The following EXOSC7 variants were observed in gnomAD, a reference collection of about 807,000 sequenced individuals.
The protein encoded by EXOSC7 is exosome component 7.
A neutral mutation model predicts 34.3 loss-of-function variants in EXOSC7; 25 were observed. The observed-to-expected ratio is 0.73, with a 90% CI of 0.53 to 1.02. The LOEUF is 1.02. Ranked by LOEUF, EXOSC7 falls within the 50% of genes least tolerant of loss-of-function variation. The pLI is 0.00. For missense variants in EXOSC7, 370 were observed against 368.5 expected (o/e 1.00, Z -0.03); for synonymous variants, 130 against 143.0 (o/e 0.91, Z 0.65).
At chr3:44,992,067 G>T (rs1464715525) in intron 3 of EXOSC7, among the ~76,000 whole-genome samples, 1 of 152,144 alleles carries the variant, frequency 6.6e-6, no homozygotes, top group East Asian at 1.9e-4. Flanking sequence ...TATTTTAATT[G>T]CATAAACAAG....
intron 6 of EXOSC7, among the ~76,000 whole-genome samples, chr3:45,005,653 A>C (rs1238271710): frequency 6.6e-6 from 1 of 152,226 alleles, no homozygotes; most frequent in Non-Finnish European, 1.5e-5. Context: ...TGTTTGTAGT[A>C]ATAGTAGCCA....
chr3:44,993,141 A>G (rs1020989895), intron 3 of EXOSC7, among the ~76,000 whole-genome samples: 1 of 152,144 alleles, frequency 6.6e-6, no homozygotes, highest in South Asian at 2.1e-4. Context: ...TTTTGAGGCT[A>G]ATTGTAATCA....
Position 44,976,274 on chromosome 3 carries a change from C to T in EXOSC7, c.-4C>T, listed in dbSNP as rs1434792081. On this transcript the variant is annotated 5_prime_UTR_variant, in exon 1 of 8. Transcript: ENST00000265564. Reference sequence around the variant, plus strand: ...ACGTGCGGCTCGTGGGGCAGCTCGGCAGCATGGCGTCCGTGACGCTGAGCG... The same window carrying T: ...ACGTGCGGCTCGTGGGGCAGCTCGGTAGCATGGCGTCCGTGACGCTGAGCG... 3.9e-6 allele frequency: 6 copies of T among 1,557,970 alleles called. No homozygotes were observed. Among genetic ancestry groups the T allele is most frequent in the Non-Finnish European group, 5.2e-6 (6 of 1,158,526 alleles).
chr3:44,998,970 T>C (rs2125969517), intron 4 of EXOSC7, among the ~76,000 whole-genome samples: 1 of 152,280 alleles, frequency 6.6e-6, no homozygotes, highest in South Asian at 2.1e-4. Flanking sequence ...GAAGTTTATG[T>C]CCCCTCCCCT....
intron 4 of EXOSC7, among the ~76,000 whole-genome samples, chr3:45,000,969 G>A (rs1193899893): frequency 6.6e-6 from 1 of 152,132 alleles, no homozygotes; most frequent in Non-Finnish European, 1.5e-5. Context: ...GTGTGCATGG[G>A]CCACGTAAGC....
chr3:44,980,214 C>T (rs1030208602), intron 1 of EXOSC7, among the ~76,000 whole-genome samples: 1 of 152,000 alleles, frequency 6.6e-6, no homozygotes, highest in Admixed American at 6.6e-5. Context: ...CAGAAGCCAG[C>T]AAAGGGAGTC....
At position 44,982,610 on chromosome 3, in the gene EXOSC7, T is replaced by C. The variant is rs574679601; in HGVS notation, c.57+6276T>C. Among the ~76,000 whole-genome samples, 71 of 152,320 alleles carry C rather than the reference T, an allele frequency of 4.7e-4. 1 individual carries two copies. The highest frequency in any genetic ancestry group is 1.3e-3 in the African/African-American group (53 of 41,572). On this transcript the variant is annotated intron_variant, in intron 1 of 7. Coordinates refer to ENST00000265564, the MANE Select transcript of EXOSC7 (RefSeq NM_015004.4). ...TCTTGCTTTCATCATAAGCATTGTT[T>C]AGGGGTATAGCATGGAAGAGGGAGA...
intron 3 of EXOSC7, among the ~76,000 whole-genome samples, chr3:44,990,548 C>A (rs919836399): frequency 3.3e-5 from 5 of 152,056 alleles, no homozygotes; most frequent in African/African-American, 1.2e-4. Context: ...GTATCAAGAT[C>A]CCCAAGACCA....
Position 45,005,312 on chromosome 3 carries a change from G to T in EXOSC7, c.513G>T (p.Leu171Phe). Reference sequence around the variant, plus strand: ...CCAGGATACCAAGGGTTCGAGTTTTGGAGGATGAAGAGGGGTCGAAGGACA... The same window carrying T: ...CCAGGATACCAAGGGTTCGAGTTTTTGAGGATGAAGAGGGGTCGAAGGACA... ...FNTRIPRVRV[L>F]EDEEGSKDIE... Residue 171 changes from leucine (L) to phenylalanine (F), a missense_variant, in exon 6 of 8, where the codon TTG becomes TTT. Physicochemically the swap from Leu to Phe is conservative, Grantham distance 22. This residue lies in a region of EXOSC7 where 255 missense variants were observed against 246.4 expected (regional missense o/e 1.03). Coordinates refer to ENST00000265564, the MANE Select transcript of EXOSC7 (RefSeq NM_015004.4). The T allele has an allele frequency of 6.2e-7, 1 of 1,614,150 alleles. No individual in the cohort carries two copies. The highest frequency in any genetic ancestry group is 8.5e-7 in the Non-Finnish European group (1 of 1,180,000).
At chr3:44,996,182 A>G (rs573381273) in intron 3 of EXOSC7, among the ~76,000 whole-genome samples, 19 of 152,350 alleles carry the variant, frequency 1.2e-4, no homozygotes, top group African/African-American at 4.1e-4. Context: ...GTGATTTTAT[A>G]GAGTCCATGC....
At chr3:44,985,368 A>G (rs1230137822) in intron 1 of EXOSC7, among the ~76,000 whole-genome samples, 1 of 152,232 alleles carries the variant, frequency 6.6e-6, no homozygotes. Flanking sequence ...TTCAAGAATG[A>G]AGCTGCAGAC....
At chr3:45,003,350 C>A (rs62243386) in intron 5 of EXOSC7, among the ~76,000 whole-genome samples, 11 of 16,980 alleles carry the variant, frequency 6.5e-4, no homozygotes, top group Admixed American at 2.7e-3. Flanking sequence ...TGCGTGCGTG[C>A]GTGTGTGTGT....
chr3:44,994,528 C>G (rs927516034), intron 3 of EXOSC7, among the ~76,000 whole-genome samples: 11 of 152,142 alleles, frequency 7.2e-5, no homozygotes, highest in African/African-American at 2.7e-4. Flanking sequence ...GAGATGGTCT[C>G]TAAGGCCTTT....
chr3:44,997,190 G>T lies in EXOSC7; in HGVS notation c.358G>T (p.Asp120Tyr). ...GATATTTAACAATAAAAGCAGTGTC[G>T]ACTTAAAGACCCTCTGCATTAGTCC... Reference protein sequence around the residue: ...YRIFNNKSSVDLKTLCISPRE... With the variant: ...YRIFNNKSSVYLKTLCISPRE... Residue 120 changes from aspartate (D) to tyrosine (Y), a missense_variant, in exon 4 of 8, where the codon GAC becomes TAC. Asp to Tyr is a radical substitution (Grantham distance 160). Transcript: ENST00000265564. 4 of 1,613,812 alleles carry T rather than the reference G, an allele frequency of 2.5e-6. No individual in the cohort carries two copies. Among genetic ancestry groups the T allele is most frequent in the Non-Finnish European group, 3.4e-6 (4 of 1,179,970 alleles).
At chr3:44,976,548 A>G (rs936338507) in intron 1 of EXOSC7, among the ~76,000 whole-genome samples, 4 of 152,194 alleles carry the variant, frequency 2.6e-5, no homozygotes, top group East Asian at 1.9e-4. Flanking sequence ...TTGCGGGTCT[A>G]TAAGATTCCG....
rs149128553 is a variant in EXOSC7 at position 45,001,314 on chromosome 3, A to T, written c.421-224A>T. ...AAAAATTAGCTGGGGGTGGTGGCGC[A>T]CACGTGTAATCCCAGCTATTCGGGA... On this transcript the variant is annotated intron_variant, in intron 4 of 7. Coordinates refer to ENST00000265564, the MANE Select transcript of EXOSC7 (RefSeq NM_015004.4). Among the ~76,000 whole-genome samples the T allele has an allele frequency of 5.2e-4, 79 of 152,068 alleles. 5 individuals carry two copies. The East Asian group carries it at 0.014, about 28-fold the overall frequency.
chr3:44,983,036 A>G (rs1255872278), intron 1 of EXOSC7, among the ~76,000 whole-genome samples: 2 of 152,320 alleles, frequency 1.3e-5, no homozygotes, highest in East Asian at 3.9e-4. Context: ...AGACAAGTCA[A>G]AGCAAGTTAA....
chr3:44,999,718 A>G (rs1211741462), intron 4 of EXOSC7, among the ~76,000 whole-genome samples: 2 of 152,210 alleles, frequency 1.3e-5, no homozygotes, highest in Admixed American at 6.5e-5. Context: ...CATCTTCAGA[A>G]AAGTTTTTAA....
chr3:44,986,076 C>A (rs1308215100), intron 1 of EXOSC7, among the ~76,000 whole-genome samples: 1 of 152,182 alleles, frequency 6.6e-6, no homozygotes, highest in Non-Finnish European at 1.5e-5. Flanking sequence ...TGCACTGGGG[C>A]CGCAGGTGGA....
Sources: gnomAD v4.1 joint callset for allele counts (sites outside exome capture counted in the v4.1 genomes callset) on GRCh38, gnomAD v4.1.1 for gene constraint, gnomAD v4.1.1 regional missense constraint, MANE v1.5 for transcripts, NCBI Gene and HGNC (gene_info 2026-07-23, HGNC 2026-07-21) for gene names.